SEC16B: variants seen among roughly 807,000 people sequenced by gnomAD.
SEC16B encodes the protein protein transport protein Sec16B.
A neutral mutation model predicts 141.8 loss-of-function variants in SEC16B; 115 were observed. That is an observed-to-expected ratio of 0.81 (90% CI 0.70 to 0.95). SEC16B has a LOEUF of 0.95. Among genes scored for constraint, SEC16B ranks in the 40% least tolerant of loss-of-function variants. The pLI, the probability that SEC16B is intolerant of heterozygous loss-of-function variation, is 0.00. For missense variants in SEC16B, 1,291 were observed against 1,312.3 expected (o/e 0.98, Z 0.25); for synonymous variants, 493 against 492.5 (o/e 1.00, Z -0.01).
At chr1:177,967,132 A>G (rs1653589257) in intron 2 of SEC16B, among the ~76,000 whole-genome samples, 1 of 152,092 alleles carries the variant, frequency 6.6e-6, no homozygotes, top group African/African-American at 2.4e-5. Flanking sequence ...GCAGGTTTCT[A>G]TCTGCTTTCC....
At chr1:177,944,687 TAA>T in intron 14 of SEC16B, 21 bp from the exon 15 acceptor site, 1 of 1,594,158 alleles carries the variant, frequency 6.3e-7, no homozygotes, top group Non-Finnish European at 8.6e-7. Flanking sequence ...AGAATAACAA[TAA>T]AAGAGATTGA....
Position 177,946,814 on chromosome 1 carries a change from C to T in SEC16B, c.1664-283G>A, listed in dbSNP as rs1361798235. Among the ~76,000 whole-genome samples the T allele has an allele frequency of 5.3e-5, 8 of 152,312 alleles. No individual in the cohort carries two copies. In the South Asian group the frequency reaches 1.2e-3, roughly 24 times the overall value. On this transcript the variant is annotated intron_variant, in intron 13 of 25. Coordinates refer to ENST00000308284, the MANE Select transcript of SEC16B (RefSeq NM_033127.4). ...GACTTTTTACGAGGAATTCCCTAAA[C>T]GTTTTAGTCTTTCCTCAGGGTGAAA...
chr1:177,983,701 C>T (rs1654515654), intron 1 of SEC16B, among the ~76,000 whole-genome samples: 2 of 152,194 alleles, frequency 1.3e-5, no homozygotes, highest in South Asian at 4.1e-4. Context: ...CACCACACCC[C>T]TAGCCATCTA....
At chr1:177,973,859 A>C (rs924276003), upstream of SEC16B, among the ~76,000 whole-genome samples, 2 of 152,156 alleles carry the variant, frequency 1.3e-5, no homozygotes, top group African/African-American at 4.8e-5. Flanking sequence ...TGATTTTTCT[A>C]ATGGAAGAAG....
rs1410242136 is a variant in SEC16B at position 177,953,327 on chromosome 1, A to G, written c.1463+952T>C. The stretch of plus-strand genomic sequence containing the variant: ...AGTGGAAGTGTCATCTTCTAATTCA[A>G]CCTCTACTCAACAGGATTAATGGCC... On this transcript the variant is annotated intron_variant, in intron 11 of 25. Coordinates refer to ENST00000308284, the MANE Select transcript of SEC16B (RefSeq NM_033127.4). 6.6e-5 allele frequency among the ~76,000 whole-genome samples: 10 copies of G among 152,038 alleles called. No homozygotes were observed. The East Asian group carries it at 1.7e-3, about 26-fold the overall frequency.
At chr1:177,935,549 A>G (rs1324380983) in intron 20 of SEC16B, among the ~76,000 whole-genome samples, 2 of 152,112 alleles carry the variant, frequency 1.3e-5, no homozygotes, top group Non-Finnish European at 2.9e-5. Flanking sequence ...TATATAGAAA[A>G]ATAGTATAAG....
Position 177,941,932 on chromosome 1 carries a change from T to C in SEC16B, c.1990A>G (p.Ser664Gly). 2 of 1,614,042 alleles carry C rather than the reference T, an allele frequency of 1.2e-6. No homozygotes were observed. Among genetic ancestry groups the C allele is most frequent in the Non-Finnish European group, 1.7e-6 (2 of 1,179,880 alleles). ...GAAVLSQGESSHPVLLVELIK... is the reference protein window; with the variant it reads ...GAAVLSQGESGHPVLLVELIK... Reference sequence around the variant, plus strand: ...AGTTCCACTAATAGCACAGGGTGACTGCTCTCTCCCTGGCTCAAGACAGCT... The same window carrying C: ...AGTTCCACTAATAGCACAGGGTGACCGCTCTCTCCCTGGCTCAAGACAGCT... Residue 664 changes from serine to glycine, a missense_variant, in exon 16 of 26, where the codon AGT (serine) becomes GGT (glycine). Transcript: ENST00000308284.
At chr1:177,951,855 C>T in intron 12 of SEC16B, 59 bp downstream of exon 12, 4 of 1,406,480 alleles carry the variant, frequency 2.8e-6, no homozygotes, top group Non-Finnish European at 3.0e-6. Context: ...CTGAGCAGTC[C>T]CCGCCCCCTC....
chr1:177,933,376 C>T, intron 21 of SEC16B, 64 bp from the exon 22 acceptor site: 1 of 1,556,818 alleles, frequency 6.4e-7, no homozygotes, highest in Non-Finnish European at 8.7e-7. Flanking sequence ...ATGAGGTTAA[C>T]CCGCCCCCAT....
chr1:177,930,242 C>T (rs901829555), intron 25 of SEC16B, among the ~76,000 whole-genome samples: 5 of 152,138 alleles, frequency 3.3e-5, no homozygotes, highest in African/African-American at 1.2e-4. Flanking sequence ...ACACTGCACC[C>T]ACACTACTGA....
intron 20 of SEC16B, among the ~76,000 whole-genome samples, chr1:177,934,576 A>C (rs1005453783): frequency 1.5e-4 from 23 of 152,262 alleles, no homozygotes; most frequent in African/African-American, 5.1e-4. Flanking sequence ...TTTAATCCTT[A>C]CAATAGTCCT....
intron 1 of SEC16B, among the ~76,000 whole-genome samples, chr1:177,977,228 G>A (rs1440082001): frequency 6.6e-6 from 1 of 151,994 alleles, no homozygotes; most frequent in Admixed American, 6.6e-5. Flanking sequence ...GCCATTTGTT[G>A]GAAAATTTTG....
chr1:177,958,237 G>A lies in SEC16B; in HGVS notation c.1260C>T (p.Ser420=), dbSNP rs765626681. The stretch of plus-strand genomic sequence containing the variant: ...CCGTGAGCAGGTTCGGGGTCCCAGA[G>A]CTCAGCACTGGCCAGTCCTCATCGG... The part of the protein sequence containing the change: ...NLTDEDWPVL[S]SGTPNLLTGE... The change falls in exon 10 of 26, where the codon AGC becomes AGT. Residue 420 remains serine, a synonymous_variant. Coordinates refer to ENST00000308284, the MANE Select transcript of SEC16B (RefSeq NM_033127.4). 1.1e-5 allele frequency: 18 copies of A among 1,607,076 alleles called. No homozygotes were observed. The highest frequency in any genetic ancestry group is 1.4e-5 in the Non-Finnish European group (17 of 1,176,614).
In SEC16B at chr1:177,958,858, G is replaced by A; in HGVS notation, c.1116C>T (p.Leu372=). ...DSALLWQLLV[L]LCRQNGSMVG... is the part of the protein sequence containing the mutation. ...AACTTACCCCATTCTGGCGACAAAG[G>A]AGAACCAAGAGCTGCCACAGTAGAG... Residue 372 remains leucine (L), a synonymous_variant, in exon 9 of 26, where the codon CTC becomes CTT. Transcript: ENST00000308284. 6.2e-7 allele frequency: 1 copy of A among 1,613,574 alleles called. No homozygotes were observed. The highest frequency in any genetic ancestry group is 8.5e-7 in the Non-Finnish European group (1 of 1,179,650).
chr1:177,975,040 C>G (rs1423687979), upstream of SEC16B, among the ~76,000 whole-genome samples: 1 of 152,148 alleles, frequency 6.6e-6, no homozygotes, highest in Admixed American at 6.5e-5. Flanking sequence ...AGTAGAATGC[C>G]AAGTTCTACT....
intron 14 of SEC16B, chr1:177,945,980 T>G (rs1202402442): frequency 1.0e-5 from 3 of 287,596 alleles, no homozygotes; most frequent in Non-Finnish European, 1.9e-5. Flanking sequence ...GTAGGGATGC[T>G]AGGGCCCCAA....
At position 177,937,498 on chromosome 1, in the gene SEC16B, T is replaced by C; in HGVS notation, c.2219A>G (p.Gln740Arg). ...GTAGCCTTGACATCCAGAAAAGTCC[T>C]GGTAGAAAGTGTTTTCTAAGGACGT... is the stretch of plus-strand genomic sequence containing the variant. The part of the protein sequence containing the change: ...GGTTTENTFY[Q>R]DFSGCQGYSE... Residue 740 changes from glutamine to arginine, a missense_variant, in exon 19 of 26, where the codon CAG (glutamine) becomes CGG (arginine). Physicochemically the swap from Gln to Arg is conservative, Grantham distance 43. Transcript: ENST00000308284. 3 of 1,549,530 alleles carry C rather than the reference T, an allele frequency of 1.9e-6. No individual in the cohort carries two copies. The highest frequency in any genetic ancestry group is 2.5e-5 in the South Asian group (2 of 81,374).
rs181569384 is a variant in SEC16B, at chr1:177,978,485, T to C, written c.-59+5721A>G. ...AATTTGGGAGGCTGAGGCAGGAGGA[T>C]TGCTGAGGCCAGAAGCTCAAGAAAC... On this transcript the variant is annotated intron_variant and NMD_transcript_variant, in intron 1 of 24. Transcript: ENST00000528461. 2.5e-4 allele frequency among the ~76,000 whole-genome samples: 38 copies of C among 152,158 alleles called. 1 individual carries two copies. The highest frequency in any genetic ancestry group is 7.0e-4 in the African/African-American group (29 of 41,538).
intron 11 of SEC16B, among the ~76,000 whole-genome samples, chr1:177,952,597 G>A (rs367544610): frequency 6.6e-6 from 1 of 152,110 alleles, no homozygotes; most frequent in Non-Finnish European, 1.5e-5. Context: ...TAAGCTCTAC[G>A]GCTGATTTGA....
Sources: allele counts gnomAD v4.1 joint callset (sites outside exome capture counted in the v4.1 genomes callset), GRCh38; gene constraint gnomAD v4.1.1; transcripts MANE v1.5; gene names NCBI Gene and HGNC (gene_info 2026-07-23, HGNC 2026-07-21).